Variants in SAMD12 observed in about 807,000 individuals in gnomAD.
SAMD12 encodes sterile alpha motif domain-containing protein 12.
In SAMD12, 9 loss-of-function variants were observed where a neutral mutation model predicts 15.0. The ratio of observed to expected loss-of-function variants is 0.60; its 90% CI spans 0.36 to 1.05. The LOEUF (loss-of-function observed/expected upper bound fraction) is 1.05, where lower values mean the gene tolerates loss of function less well. Among genes scored for constraint, SAMD12 ranks in the 50% least tolerant of loss-of-function variants. The probability of loss-of-function intolerance (pLI) is 0.01; values close to 1 mark genes in which losing one functional copy is unlikely to be tolerated. For missense variants in SAMD12, 230 were observed against 234.2 expected, an observed-to-expected ratio of 0.98 and a Z score of 0.12; for synonymous variants, 86 against 90.1, an observed-to-expected ratio of 0.96 and a Z score of 0.25.
At chr8:118,316,262 C>T (rs1034066103) in intron 4 of SAMD12, among the ~76,000 whole-genome samples, 2 of 150,944 alleles carry the variant, frequency 1.3e-5, no homozygotes, top group African/African-American at 2.5e-5. Context: ...TGGCCAGGTG[C>T]GGTGGCTCAT....
chr8:118,278,929 C>T (rs1813537645), intron 4 of SAMD12, among the ~76,000 whole-genome samples: 1 of 152,134 alleles, frequency 6.6e-6, no homozygotes, highest in Admixed American at 6.6e-5. Context: ...GGCTCTAAAT[C>T]CTTCTTTGTG....
intron 4 of SAMD12, among the ~76,000 whole-genome samples, chr8:118,372,001 CAGA>C (rs761051372): frequency 1.3e-5 from 2 of 152,094 alleles, no homozygotes; most frequent in Middle Eastern, 3.2e-3. Context: ...AATGATAAAG[CAGA>C]AGAACTGTGT....
the SAMD12 span, among the ~76,000 whole-genome samples, chr8:118,142,113 T>A: frequency 3.2e-4 from 49 of 152,328 alleles, no homozygotes; most frequent in Admixed American, 9.8e-4. Flanking sequence ...CTTTGGCACC[T>A]GATTAGAAAA....
intron 3 of SAMD12, among the ~76,000 whole-genome samples, chr8:118,438,374 C>T (rs1006064179): frequency 2.6e-5 from 4 of 151,754 alleles, no homozygotes; most frequent in Non-Finnish European, 5.9e-5. Context: ...GATCATCTAG[C>T]TCAGCATTTT....
intron 2 of SAMD12, among the ~76,000 whole-genome samples, chr8:118,513,751 T>A (rs1477669743): frequency 1.3e-5 from 2 of 152,144 alleles, no homozygotes; most frequent in East Asian, 3.9e-4. Context: ...TACTGGGGAC[T>A]AGACAGGTAA....
rs565218853 is a variant in SAMD12 at position 118,248,084 on chromosome 8, G to T, written c.434-50352C>A. On this transcript the variant is annotated intron_variant, in intron 4 of 4. Coordinates refer to the SAMD12 transcript ENST00000409003. ...AATTGAAATCGTTGTAAAAGTTCAG[G>T]TAAGAGATAAAGACACTGCAGAAAG... is the stretch of plus-strand genomic sequence containing the variant. 5.9e-5 allele frequency among the ~76,000 whole-genome samples: 9 copies of T among 152,160 alleles called. No homozygotes were observed. In the East Asian group the frequency reaches 1.7e-3, roughly 30 times the overall value.
intron 2 of SAMD12, among the ~76,000 whole-genome samples, chr8:118,535,953 T>C (rs1825826406): frequency 6.6e-6 from 1 of 152,172 alleles, no homozygotes; most frequent in Non-Finnish European, 1.5e-5. Flanking sequence ...GCACCCACTG[T>C]CCTGCACCCA....
intron 3 of SAMD12, among the ~76,000 whole-genome samples, chr8:118,402,072 T>C (rs2130789216): frequency 6.6e-6 from 1 of 152,316 alleles, no homozygotes; most frequent in Non-Finnish European, 1.5e-5. Flanking sequence ...CAAGGTTTTA[T>C]TCTAAACAAT....
chr8:118,449,165 C>T (rs1168632610), intron 2 of SAMD12, among the ~76,000 whole-genome samples: 6 of 151,234 alleles, frequency 4.0e-5, no homozygotes, highest in East Asian at 4.0e-4. Context: ...CATGTTCAAA[C>T]GATTCTCCTT....
chr8:118,259,940 T>C (rs751625751), intron 4 of SAMD12, among the ~76,000 whole-genome samples: 44 of 152,288 alleles, frequency 2.9e-4, no homozygotes, highest in Admixed American at 1.3e-4. Flanking sequence ...TAGATTCAGA[T>C]AGAGGAGTTC....
chr8:118,294,386 A>T (rs1164046956), intron 4 of SAMD12, among the ~76,000 whole-genome samples: 1 of 152,230 alleles, frequency 6.6e-6, no homozygotes, highest in Non-Finnish European at 1.5e-5. Context: ...GTCATCAGCA[A>T]ATGGAACATA....
chr8:118,274,199 A>G (rs902446494), intron 4 of SAMD12, among the ~76,000 whole-genome samples: 1 of 152,188 alleles, frequency 6.6e-6, no homozygotes, highest in African/African-American at 2.4e-5. Context: ...TGATTCCAGT[A>G]TAAGTAAAAG....
chr8:118,359,003 C>CTGTGTGTGTGTGTG (rs35454734), intron 4 of SAMD12, among the ~76,000 whole-genome samples: 77 of 149,362 alleles, frequency 5.2e-4, no homozygotes, highest in African/African-American at 1.7e-3. Flanking sequence ...TGGCATTAAA[C>CTGTGTGTGTGTGTG]TGTGTGTGTG....
At chr8:118,305,545 G>T (rs150685232) in intron 4 of SAMD12, among the ~76,000 whole-genome samples, 1 of 152,238 alleles carries the variant, frequency 6.6e-6, no homozygotes, top group Non-Finnish European at 1.5e-5. Context: ...GGACATTTGG[G>T]CTGTTTCCAC....
chr8:118,326,134 G>T (rs1816553319), intron 4 of SAMD12, among the ~76,000 whole-genome samples: 2 of 152,154 alleles, frequency 1.3e-5, no homozygotes, highest in South Asian at 2.1e-4. Flanking sequence ...CTGCTCCACT[G>T]TTGAATTGGA....
At chr8:118,168,382 G>T in the SAMD12 span, among the ~76,000 whole-genome samples, 1 of 152,104 alleles carries the variant, frequency 6.6e-6, no homozygotes. Context: ...AGGCCCCACC[G>T]TGTCATTAGC....
At chr8:118,460,768 A>G (rs1266314962) in intron 2 of SAMD12, among the ~76,000 whole-genome samples, 1 of 152,184 alleles carries the variant, frequency 6.6e-6, no homozygotes, top group Admixed American at 6.5e-5. Flanking sequence ...TTTGGCTCAC[A>G]TATAACAAGG....
At chr8:118,528,764 G>C (rs1241324517) in intron 2 of SAMD12, among the ~76,000 whole-genome samples, 1 of 152,174 alleles carries the variant, frequency 6.6e-6, no homozygotes, top group Non-Finnish European at 1.5e-5. Flanking sequence ...AACAGGGGCA[G>C]GAAGACCAGA....
intron 2 of SAMD12, among the ~76,000 whole-genome samples, chr8:118,441,188 G>A (rs1298514251): frequency 6.6e-6 from 1 of 152,002 alleles, no homozygotes; most frequent in African/African-American, 2.4e-5. Context: ...AGTATATCTA[G>A]CATCTAATAA....
Sources: gnomAD v4.1 joint callset for allele counts (sites outside exome capture counted in the v4.1 genomes callset) on GRCh38, gnomAD v4.1.1 for gene constraint, MANE v1.5 for transcripts, NCBI Gene and HGNC (gene_info 2026-07-23, HGNC 2026-07-21) for gene names.